Variants in PKHD1 observed in about 807,000 individuals in gnomAD.
PKHD1 encodes fibrocystin.
In PKHD1, 291 loss-of-function variants were observed where a neutral mutation model predicts 412.0. That is an observed-to-expected ratio of 0.71 (90% CI 0.64 to 0.78). The LOEUF (loss-of-function observed/expected upper bound fraction) is 0.78, where lower values mean the gene tolerates loss of function less well. Ranked by LOEUF, PKHD1 falls within the 30% of genes least tolerant of loss-of-function variation. The probability of loss-of-function intolerance (pLI) is 0.00; values close to 1 mark genes in which losing one functional copy is unlikely to be tolerated. For synonymous variants in PKHD1, 1,777 were observed against 1,821.5 expected, an observed-to-expected ratio of 0.98 and a Z score of 0.62; for missense variants, 4,825 against 4,950.7, an observed-to-expected ratio of 0.97 and a Z score of 0.76.
chr6:51,726,101 AG>A (rs1408666657), intron 60 of PKHD1, among the ~76,000 whole-genome samples: 5 of 152,158 alleles, frequency 3.3e-5, no homozygotes, highest in Admixed American at 3.3e-4. Context: ...GCTCAAACTC[AG>A]CTATTTGGGT....
At chr6:51,888,240 A>G (rs1314868092) in intron 43 of PKHD1, among the ~76,000 whole-genome samples, 1 of 152,234 alleles carries the variant, frequency 6.6e-6, no homozygotes, top group Admixed American at 6.5e-5. Context: ...AGGTCTTACT[A>G]TCTAAATAAT....
At chr6:51,811,164 A>C (rs951416930) in intron 52 of PKHD1, among the ~76,000 whole-genome samples, 11 of 152,062 alleles carry the variant, frequency 7.2e-5, no homozygotes, top group Admixed American at 6.6e-4. Flanking sequence ...TAATATGGTG[A>C]TTATGTGTTC....
chr6:51,745,834 G>C (rs1785124287), intron 59 of PKHD1, among the ~76,000 whole-genome samples: 1 of 152,126 alleles, frequency 6.6e-6, no homozygotes, highest in Non-Finnish European at 1.5e-5. Flanking sequence ...ATGAACATAA[G>C]GAAAATTGGA....
At chr6:51,870,778 G>A (rs900519005) in intron 46 of PKHD1, 139 bp from the exon 47 acceptor site, 2 of 665,906 alleles carry the variant, frequency 3.0e-6, no homozygotes, top group African/African-American at 1.8e-5. Flanking sequence ...TCACACATAT[G>A]ACAAAGGACC....
chr6:51,698,602 T>C (rs953428355), intron 60 of PKHD1, among the ~76,000 whole-genome samples: 3 of 152,074 alleles, frequency 2.0e-5, no homozygotes, highest in African/African-American at 4.8e-5. Context: ...CAAGCATCAA[T>C]CATTTAATAA....
chr6:52,062,297 A>T (rs1010227769), intron 14 of PKHD1, among the ~76,000 whole-genome samples: 3 of 152,256 alleles, frequency 2.0e-5, no homozygotes, highest in Admixed American at 6.5e-5. Context: ...AACAGATTGT[A>T]AACTAAGTTG....
At chr6:51,836,497 G>T in intron 50 of PKHD1, 28 bp from the exon 51 acceptor site, 1 of 1,496,950 alleles carries the variant, frequency 6.7e-7, no homozygotes, top group Non-Finnish European at 9.3e-7. Context: ...CAACTTGCAT[G>T]TGATACAAAG....
At chr6:51,771,918 G>A (rs1456936032) in intron 55 of PKHD1, among the ~76,000 whole-genome samples, 1 of 152,024 alleles carries the variant, frequency 6.6e-6, no homozygotes, top group African/African-American at 2.4e-5. Context: ...TAGAAAGCTT[G>A]ATGTTCCTTT....
chr6:51,716,107 T>C (rs1781227577), intron 60 of PKHD1, among the ~76,000 whole-genome samples: 1 of 152,236 alleles, frequency 6.6e-6, no homozygotes, highest in South Asian at 2.1e-4. Flanking sequence ...TTTCTGCAGT[T>C]CTTTTGGTCT....
At chr6:51,751,701 T>A (rs1786140027) in intron 57 of PKHD1, among the ~76,000 whole-genome samples, 1 of 152,188 alleles carries the variant, frequency 6.6e-6, no homozygotes, top group Non-Finnish European at 1.5e-5. Context: ...GTACAGCAGT[T>A]ACCACACTAG....
chr6:52,024,960 T>A lies in PKHD1; in HGVS notation c.4850A>T (p.Asn1617Ile), dbSNP rs765175914. Residue 1617 changes from asparagine (N) to isoleucine (I), a missense_variant, in exon 32 of 67, where the codon AAC becomes ATC. Asn to Ile is a moderately radical substitution (Grantham distance 149, BLOSUM62 -3). Coordinates refer to ENST00000371117, the MANE Select transcript of PKHD1 (RefSeq NM_138694.4). The stretch of plus-strand genomic sequence containing the variant: ...GCACCGGATGAGCTCAGCACCGATG[T>A]TCACCGTCAGGCAGGTCTGCTGGTC... ...YIDQQTCLTV[N>I]IGAELIRCIV... The A allele has an allele frequency of 6.2e-7, 1 of 1,614,216 alleles. No individual in the cohort carries two copies.
chr6:51,754,142 C>T (rs907066264), intron 56 of PKHD1, among the ~76,000 whole-genome samples: 2 of 152,068 alleles, frequency 1.3e-5, no homozygotes, highest in African/African-American at 4.8e-5. Context: ...GCTATATCTC[C>T]TGGATTAGAT....
At chr6:51,895,960 G>C (rs1008417210) in intron 43 of PKHD1, among the ~76,000 whole-genome samples, 1 of 150,256 alleles carries the variant, frequency 6.7e-6, no homozygotes, top group Non-Finnish European at 1.5e-5. Context: ...CTTTTCCGAC[G>C]GGCTTAAAAA....
intron 34 of PKHD1, among the ~76,000 whole-genome samples, chr6:52,013,036 G>A (rs1799999009): frequency 6.6e-6 from 1 of 152,076 alleles, no homozygotes; most frequent in Admixed American, 6.5e-5. Context: ...CCCTTCTCAT[G>A]GTTCATTGCC....
chr6:52,072,568 T>C (rs1045012257), intron 7 of PKHD1, among the ~76,000 whole-genome samples: 1 of 152,158 alleles, frequency 6.6e-6, no homozygotes, highest in Admixed American at 6.6e-5. Context: ...TTCCCAAGGA[T>C]GTAGTAGGAG....
chr6:51,925,834 C>G (rs1785511400), intron 37 of PKHD1, among the ~76,000 whole-genome samples: 1 of 151,994 alleles, frequency 6.6e-6, no homozygotes, highest in Non-Finnish European at 1.5e-5. Flanking sequence ...TTATCTCTCT[C>G]TCTCTCTCAA....
intron 65 of PKHD1, 120 bp from the exon 66 acceptor site, chr6:51,627,236 G>T: frequency 2.2e-6 from 2 of 896,060 alleles, no homozygotes; most frequent in Non-Finnish European, 3.7e-6. Flanking sequence ...GCAACAGAAA[G>T]CATATAACAT....
rs1175077607 is a variant in PKHD1, at chr6:52,017,343, G to C, written c.5600+67C>G. On this transcript the variant is annotated intron_variant, in intron 34 of 66. Coordinates refer to ENST00000371117, the MANE Select transcript of PKHD1 (RefSeq NM_138694.4). Reference sequence around the variant, plus strand: ...CACATCCACCCAGCCTACACTCTCTGATGGCTCCATCGGTCCATTGGCCAA... The same window carrying C: ...CACATCCACCCAGCCTACACTCTCTCATGGCTCCATCGGTCCATTGGCCAA... 9.5e-6 allele frequency: 11 copies of C among 1,152,610 alleles called. No individual in the cohort carries two copies. The East Asian group carries it at 1.9e-4, about 20-fold the overall frequency. 71.4% of individuals were successfully genotyped at this position (1,152,610 alleles called of 1,614,324 possible). A position where few individuals can be genotyped will look rare whatever the true frequency, so the allele number is the denominator to read the frequency against.
intron 43 of PKHD1, among the ~76,000 whole-genome samples, chr6:51,888,513 C>T (rs1778565521): frequency 1.3e-5 from 2 of 151,788 alleles, no homozygotes; most frequent in Admixed American, 1.3e-4. Context: ...CATGTTCAAA[C>T]CAAGAGATTT....
Sources: gnomAD v4.1 joint callset for allele counts (sites outside exome capture counted in the v4.1 genomes callset) on GRCh38, gnomAD v4.1.1 for gene constraint, MANE v1.5 for transcripts, NCBI Gene and HGNC (gene_info 2026-07-23, HGNC 2026-07-21) for gene names.